Variants in RAB7A observed in about 807,000 individuals in gnomAD.
The protein encoded by RAB7A is RAB7A, member RAS oncogene family.
In RAB7A, 2 loss-of-function variants were observed where a neutral mutation model predicts 24.5. That is an observed-to-expected ratio of 0.08 (90% CI 0.03 to 0.26). The LOEUF (loss-of-function observed/expected upper bound fraction) is 0.26, where lower values mean the gene tolerates loss of function less well. RAB7A is among the 10% of genes least tolerant of loss of function. The probability of loss-of-function intolerance (pLI) is 1.00; values close to 1 mark genes in which losing one functional copy is unlikely to be tolerated. For missense variants in RAB7A, 118 were observed against 255.7 expected (o/e 0.46, Z 3.67); for synonymous variants, 100 against 95.9 (o/e 1.04, Z -0.25).
At chr3:128,742,408 C>T (rs754711416) in intron 1 of RAB7A, among the ~76,000 whole-genome samples, 3 of 152,152 alleles carry the variant, frequency 2.0e-5, no homozygotes, top group Non-Finnish European at 2.9e-5. Context: ...CATGCTGGCT[C>T]GGGCAGCCTG....
intron 2 of RAB7A, among the ~76,000 whole-genome samples, chr3:128,796,955 T>G (rs1421773680): frequency 7.2e-5 from 11 of 152,200 alleles, no homozygotes; most frequent in Non-Finnish European, 1.6e-4. Flanking sequence ...TGAGCCACCA[T>G]GCCCAGCCTT....
intron 2 of RAB7A, among the ~76,000 whole-genome samples, chr3:128,795,847 A>G (rs375606283): frequency 1.1e-4 from 15 of 141,922 alleles, no homozygotes; most frequent in East Asian, 8.6e-4. Context: ...CGCCTCCCGG[A>G]TTCACGCCAT....
intron 5 of RAB7A, among the ~76,000 whole-genome samples, chr3:128,812,925 A>G (rs1933955774): frequency 6.6e-6 from 1 of 152,208 alleles, no homozygotes; most frequent in African/African-American, 2.4e-5. Flanking sequence ...TGTTTGAGAA[A>G]AGCTAGAAAT....
chr3:128,772,524 C>T (rs904833568), intron 1 of RAB7A, among the ~76,000 whole-genome samples: 1 of 152,076 alleles, frequency 6.6e-6, no homozygotes, highest in African/African-American at 2.4e-5. Context: ...ACATGTTATG[C>T]CTAATCTGTT....
At position 128,773,314 on chromosome 3, in the gene RAB7A, G is replaced by A. The variant is rs1301495202; in HGVS notation, c.-8-22046G>A. Among the ~76,000 whole-genome samples the A allele has an allele frequency of 8.0e-5, 12 of 150,570 alleles. No homozygotes were observed. The East Asian group carries it at 2.0e-3, about 25-fold the overall frequency. ...CATCTGAGAAGTGAGGAGCCCCTCC[G>A]CCCGGCAGCCGCCCCATCTGAGAAG... On this transcript the variant is annotated intron_variant, in intron 1 of 5. Coordinates refer to ENST00000265062, the MANE Select transcript of RAB7A (RefSeq NM_004637.6).
Position 128,762,460 on chromosome 3 carries a change from ACCT to A in RAB7A, c.-8-32895_-8-32893del, listed in dbSNP as rs542314306. On this transcript the variant is annotated intron_variant, in intron 1 of 5. Coordinates refer to ENST00000265062, the MANE Select transcript of RAB7A (RefSeq NM_004637.6). ...TTCCTCCCCGTCACAGTTTTTCTTA[ACCT>A]CCTCAAGTCTTATCACCCCCCTACT... Among the ~76,000 whole-genome samples, 4 of 152,246 alleles carry A rather than the reference ACCT, an allele frequency of 2.6e-5. No homozygotes were observed. The South Asian group carries it at 8.3e-4, about 32-fold the overall frequency.
chr3:128,809,488 C>T (rs1933872352), intron 5 of RAB7A, among the ~76,000 whole-genome samples: 1 of 152,140 alleles, frequency 6.6e-6, no homozygotes, highest in South Asian at 2.1e-4. Flanking sequence ...CATGGTTGGG[C>T]CTCTCTCAGT....
chr3:128,745,014 C>T (rs2070596709), intron 1 of RAB7A, among the ~76,000 whole-genome samples: 1 of 151,782 alleles, frequency 6.6e-6, no homozygotes, highest in South Asian at 2.1e-4. Context: ...GCTGGGACTA[C>T]AGGCATCCGC....
At chr3:128,782,568 C>G (rs543286603) in intron 1 of RAB7A, among the ~76,000 whole-genome samples, 2 of 151,402 alleles carry the variant, frequency 1.3e-5, no homozygotes, top group East Asian at 3.9e-4. Flanking sequence ...CCTTCTGATA[C>G]TTAGCCACCC....
chr3:128,804,499 C>A (rs188681398), intron 3 of RAB7A, among the ~76,000 whole-genome samples: 1 of 152,198 alleles, frequency 6.6e-6, no homozygotes, highest in African/African-American at 2.4e-5. Context: ...TCGCTGTTAA[C>A]AATTTCAATT....
chr3:128,762,495 C>A (rs188017559), intron 1 of RAB7A, among the ~76,000 whole-genome samples: 1 of 152,114 alleles, frequency 6.6e-6, no homozygotes, highest in South Asian at 2.1e-4. Context: ...TACTTCCCAC[C>A]GTGACCCTCA....
intron 1 of RAB7A, among the ~76,000 whole-genome samples, chr3:128,767,527 A>G (rs954839902): frequency 6.6e-6 from 1 of 152,228 alleles, no homozygotes; most frequent in African/African-American, 2.4e-5. Context: ...GTGGAAATGT[A>G]AAGAGGTTAG....
At chr3:128,764,249 C>T (rs1185013591) in intron 1 of RAB7A, among the ~76,000 whole-genome samples, 1 of 152,114 alleles carries the variant, frequency 6.6e-6, no homozygotes, top group African/African-American at 2.4e-5. Context: ...CGACCACATA[C>T]CACATTTCTG....
rs376932040 is a variant in RAB7A, at chr3:128,813,505, C to T, written c.*83C>T. ...TCAACACAATTCCCCTCTCCTCTTC[C>T]AAACAAAACATACATTGATCTCTCA... On this transcript the variant is annotated 3_prime_UTR_variant, in exon 6 of 6. Transcript: ENST00000265062. 2 of 1,294,872 alleles carry T rather than the reference C, an allele frequency of 1.5e-6. No individual in the cohort carries two copies. The allele number at this position is 1,294,872 out of a possible 1,614,324, so 80.2% of individuals were successfully genotyped here. A position where few individuals can be genotyped will look rare whatever the true frequency, so the allele number is the denominator to read the frequency against.
At chr3:128,760,578 G>C (rs2070769245) in intron 1 of RAB7A, among the ~76,000 whole-genome samples, 1 of 152,148 alleles carries the variant, frequency 6.6e-6, no homozygotes, top group Admixed American at 6.5e-5. Flanking sequence ...AGATATACTG[G>C]GATGAGCAAT....
At chr3:128,808,943 C>T (rs1158243175) in intron 5 of RAB7A, among the ~76,000 whole-genome samples, 3 of 152,162 alleles carry the variant, frequency 2.0e-5, no homozygotes, top group Non-Finnish European at 2.9e-5. Flanking sequence ...GACAGATCTA[C>T]TCAATGAGGA....
At chr3:128,790,445 A>C (rs1230572663) in intron 1 of RAB7A, among the ~76,000 whole-genome samples, 1 of 152,250 alleles carries the variant, frequency 6.6e-6, no homozygotes, top group Non-Finnish European at 1.5e-5. Context: ...ACAGTTAAGT[A>C]TAAGGAAACA....
At chr3:128,758,279 T>TTG (rs2070747069) in intron 1 of RAB7A, among the ~76,000 whole-genome samples, 2 of 150,324 alleles carry the variant, frequency 1.3e-5, no homozygotes, top group African/African-American at 4.9e-5. Flanking sequence ...TTTTTGTTTT[T>TTG]TTTTTTTTTT....
At chr3:128,812,320 C>A (rs768329260) in intron 5 of RAB7A, among the ~76,000 whole-genome samples, 1 of 152,078 alleles carries the variant, frequency 6.6e-6, no homozygotes, top group Non-Finnish European at 1.5e-5. Flanking sequence ...TCACCATGTT[C>A]GCCAGGCTGG....
Sources: gnomAD v4.1 joint callset for allele counts (sites outside exome capture counted in the v4.1 genomes callset) on GRCh38, gnomAD v4.1.1 for gene constraint, MANE v1.5 for transcripts, NCBI Gene and HGNC (gene_info 2026-07-23, HGNC 2026-07-21) for gene names.